The following UBE3A variants were observed in gnomAD, a reference collection of about 807,000 sequenced individuals.
The protein encoded by UBE3A is ubiquitin protein ligase E3A.
Under a neutral mutation model 83.4 loss-of-function variants are expected in UBE3A, and 6 were observed. The observed-to-expected ratio is 0.07, with a 90% CI of 0.04 to 0.14. UBE3A has a LOEUF of 0.14. Among genes scored for constraint, UBE3A ranks in the 10% least tolerant of loss-of-function variants. The pLI is 1.00. For missense variants in UBE3A, 456 were observed against 1,036.1 expected, an observed-to-expected ratio of 0.44 and a Z score of 7.69; for synonymous variants, 337 against 355.4, an observed-to-expected ratio of 0.95 and a Z score of 0.58.
At chr15:25,369,005 CAT>C (rs2079815660) in intron 6 of UBE3A, among the ~76,000 whole-genome samples, 1 of 152,110 alleles carries the variant, frequency 6.6e-6, no homozygotes, top group African/African-American at 2.4e-5. Flanking sequence ...AGAAGCCAAA[CAT>C]AAAGTATGTA....
intron 1 of UBE3A, among the ~76,000 whole-genome samples, chr15:25,429,346 A>C (rs747486059): frequency 1.3e-5 from 2 of 152,200 alleles, no homozygotes; most frequent in Non-Finnish European, 2.9e-5. Flanking sequence ...GACATAATTT[A>C]TATTTCCAGG....
chr15:25,335,732 G>A lies in UBE3A; in HGVS notation c.*3405C>T, dbSNP rs1290976312. 6.6e-6 allele frequency: 1 copy of A among 152,214 alleles called. No homozygotes were observed. Among genetic ancestry groups the A allele is most frequent in the African/African-American group, 2.4e-5 (1 of 41,452 alleles). The allele number at this position is 152,214 out of a possible 1,614,324, so 9.4% of individuals were successfully genotyped here. A position where few individuals can be genotyped will look rare whatever the true frequency, so the allele number is the denominator to read the frequency against. On this transcript the variant is annotated 3_prime_UTR_variant, in exon 13 of 13. Coordinates refer to ENST00000648336, the MANE Select transcript of UBE3A (RefSeq NM_130839.5). Reference sequence around the variant, plus strand: ...AGGTAACAAAGAAATCCCAGAGACAGAGGTCTGAGCAAAAGATATGGGATT... The same window carrying A: ...AGGTAACAAAGAAATCCCAGAGACAAAGGTCTGAGCAAAAGATATGGGATT...
At chr15:25,357,166 G>A (rs1319440089) in intron 7 of UBE3A, among the ~76,000 whole-genome samples, 1 of 151,948 alleles carries the variant, frequency 6.6e-6, no homozygotes, top group Non-Finnish European at 1.5e-5. Flanking sequence ...AGAAAAATAC[G>A]TTAATTAAAT....
At chr15:25,435,260 A>T (rs1187467383) in intron 1 of UBE3A, among the ~76,000 whole-genome samples, 1 of 150,678 alleles carries the variant, frequency 6.6e-6, no homozygotes, top group Non-Finnish European at 1.5e-5. Flanking sequence ...ACACACACAC[A>T]AATGTGAGAA....
intron 1 of UBE3A, among the ~76,000 whole-genome samples, chr15:25,422,143 G>A (rs1277214597): frequency 1.3e-5 from 2 of 152,154 alleles, no homozygotes; most frequent in African/African-American, 4.8e-5. Context: ...CAAATTGGAT[G>A]AATCTCAAAA....
In UBE3A at chr15:25,364,705, G is replaced by A. The variant is rs1033546765; in HGVS notation, c.1609-4178C>T. On this transcript the variant is annotated intron_variant, in intron 6 of 12. Transcript: ENST00000648336. ...GTCGCCCAGGCTGGAGTGCAGTGGC[G>A]CAATCTTGGCGCACTGCAAGCCCCG... Among the ~76,000 whole-genome samples the A allele has an allele frequency of 4.0e-5, 6 of 149,272 alleles. No homozygotes were observed. The South Asian group carries it at 6.3e-4, about 16-fold the overall frequency.
intron 1 of UBE3A, among the ~76,000 whole-genome samples, chr15:25,427,465 C>T (rs889167784): frequency 6.6e-6 from 1 of 151,744 alleles, no homozygotes; most frequent in Non-Finnish European, 1.5e-5. Context: ...AGACAGAACC[C>T]TATCAAAGCA....
intron 3 of UBE3A, among the ~76,000 whole-genome samples, chr15:25,406,812 C>T (rs916778807): frequency 6.0e-5 from 9 of 149,508 alleles, no homozygotes; most frequent in Non-Finnish European, 1.0e-4. Flanking sequence ...TCAAAATTAC[C>T]CTCACTGCAA....
intron 4 of UBE3A, among the ~76,000 whole-genome samples, chr15:25,397,488 C>A (rs2085852714): frequency 6.6e-6 from 1 of 152,120 alleles, no homozygotes; most frequent in Non-Finnish European, 1.5e-5. Context: ...TTCTGAAGAC[C>A]CATAGGCTAT....
At chr15:25,404,507 GTCTT>G (rs764227730) in intron 4 of UBE3A, among the ~76,000 whole-genome samples, 5 of 152,016 alleles carry the variant, frequency 3.3e-5, no homozygotes, top group Non-Finnish European at 5.9e-5. Flanking sequence ...AATCACTAAA[GTCTT>G]ACTTACTTCA....
intron 4 of UBE3A, among the ~76,000 whole-genome samples, chr15:25,396,323 G>A (rs2085556186): frequency 6.6e-6 from 1 of 151,846 alleles, no homozygotes. Flanking sequence ...CAAAATCCAT[G>A]GCCAGGCACG....
chr15:25,354,603 A>G lies in UBE3A; in HGVS notation c.2205T>C (p.His735=), dbSNP rs1407781819. Residue 735 remains histidine, a synonymous_variant, in exon 10 of 13, where the codon CAT becomes CAC. Transcript: ENST00000648336. ...TTAAGGGAGATTCATTGGTCACCAT[A>G]TGAAAACCTCTCCGAAAAGCCTTGA... is the stretch of plus-strand genomic sequence containing the variant. ...KQFKAFRRGF[H]MVTNESPLKY... 9.3e-6 allele frequency: 15 copies of G among 1,613,716 alleles called. No individual in the cohort carries two copies. Among genetic ancestry groups the G allele is most frequent in the Non-Finnish European group, 1.3e-5 (15 of 1,179,904 alleles).
intron 3 of UBE3A, chr15:25,408,542 T>C: frequency 6.4e-7 from 1 of 1,557,872 alleles, no homozygotes; most frequent in Non-Finnish European, 8.9e-7. Flanking sequence ...TTGATTTGAA[T>C]CGCAGAAAAT....
At position 25,398,771 on chromosome 15, in the gene UBE3A, TTATA is replaced by T. The variant is rs1159969391; in HGVS notation, c.62+6686_62+6689del. 2.2e-3 allele frequency among the ~76,000 whole-genome samples: 155 copies of T among 68,930 alleles called. 2 individuals carry two copies. The highest frequency in any genetic ancestry group is 5.5e-3 in the African/African-American group (124 of 22,350). 45.2% of individuals were successfully genotyped at this position (68,930 alleles called of 152,430 possible). A position where few individuals can be genotyped will look rare whatever the true frequency, so the allele number is the denominator to read the frequency against. On this transcript the variant is annotated intron_variant, in intron 4 of 12. Coordinates refer to ENST00000648336, the MANE Select transcript of UBE3A (RefSeq NM_130839.5). ...CAGCGCACTGATTTTATTCTTTTATTTATATATATATATATATATATATATATAT... is the reference window on the plus strand; with the variant it reads ...CAGCGCACTGATTTTATTCTTTTATTTATATATATATATATATATATATAT...
chr15:25,429,094 T>A (rs1323405427), intron 1 of UBE3A, among the ~76,000 whole-genome samples: 1 of 152,122 alleles, frequency 6.6e-6, no homozygotes, highest in African/African-American at 2.4e-5. Flanking sequence ...TTTAAAAAAA[T>A]CAAGCTATTG....
chr15:25,351,221 G>C (rs1281905882), intron 11 of UBE3A, among the ~76,000 whole-genome samples: 1 of 152,146 alleles, frequency 6.6e-6, no homozygotes, highest in Non-Finnish European at 1.5e-5. Flanking sequence ...CCTATATGTG[G>C]ATCTGTAATT....
At chr15:25,375,917 C>CA (rs568483277) in intron 4 of UBE3A, among the ~76,000 whole-genome samples, 154 bp from the exon 5 acceptor site, 5 of 152,148 alleles carry the variant, frequency 3.3e-5, no homozygotes, top group Non-Finnish European at 7.3e-5. Context: ...CTATTTACCA[C>CA]AACTCCTGAC....
rs146028198 is a variant in UBE3A, at chr15:25,380,127, T to C, written c.63-4364A>G. ...TGATGGTTTTATCAGGGGTTTCCGC[T>C]TTTGCATCCTTCTCATTTTCTCTTG... On this transcript the variant is annotated intron_variant, in intron 4 of 12. Transcript: ENST00000648336. Among the ~76,000 whole-genome samples the C allele has an allele frequency of 4.5e-3, 685 of 152,256 alleles. 8 individuals are homozygous for C. Among genetic ancestry groups the C allele is most frequent in the African/African-American group, 0.016 (660 of 41,544 alleles).
intron 4 of UBE3A, among the ~76,000 whole-genome samples, chr15:25,395,025 C>T (rs1169692395): frequency 6.6e-6 from 1 of 152,004 alleles, no homozygotes; most frequent in African/African-American, 2.4e-5. Flanking sequence ...TTGATGCAGC[C>T]GGTCAGGAAA....
Sources: allele counts gnomAD v4.1 joint callset (sites outside exome capture counted in the v4.1 genomes callset), GRCh38; gene constraint gnomAD v4.1.1; transcripts MANE v1.5; gene names NCBI Gene and HGNC (gene_info 2026-07-23, HGNC 2026-07-21).